NRG1: variants seen among roughly 807,000 people sequenced by gnomAD.
NRG1 encodes the protein pro-neuregulin-1, membrane-bound isoform.
A neutral mutation model predicts 63.8 loss-of-function variants in NRG1; 18 were observed. The observed-to-expected ratio is 0.28, with a 90% confidence interval of 0.19 to 0.42. The LOEUF (loss-of-function observed/expected upper bound fraction) is 0.42. Among genes scored for constraint, NRG1 ranks in the 10% least tolerant of loss-of-function variants. The probability of loss-of-function intolerance (pLI) is 1.00; values close to 1 mark genes in which losing one functional copy is unlikely to be tolerated. For missense variants in NRG1, 762 were observed against 814.7 expected (o/e 0.94, Z 0.79); for synonymous variants, 302 against 301.3 (o/e 1.00, Z -0.02).
intron 1 of NRG1, among the ~76,000 whole-genome samples, chr8:32,445,492 G>A (rs921784692): frequency 6.6e-6 from 1 of 152,050 alleles, no homozygotes; most frequent in African/African-American, 2.4e-5. Flanking sequence ...ATTGAACCAC[G>A]TGATTTGCCT....
intron 1 of NRG1, among the ~76,000 whole-genome samples, chr8:31,697,777 G>A (rs544050623): frequency 6.6e-6 from 1 of 152,272 alleles, no homozygotes; most frequent in East Asian, 1.9e-4. Flanking sequence ...TGTCCCTTCT[G>A]TAATTTATGT....
intron 1 of NRG1, among the ~76,000 whole-genome samples, chr8:32,170,224 C>T (rs573109658): frequency 6.0e-4 from 92 of 152,278 alleles, no homozygotes; most frequent in African/African-American, 2.0e-3. Flanking sequence ...TTACACAAAT[C>T]CTAGGAATTT....
intron 1 of NRG1, among the ~76,000 whole-genome samples, chr8:31,642,143 A>G (rs777139122): frequency 2.0e-5 from 3 of 152,204 alleles, no homozygotes; most frequent in Non-Finnish European, 2.9e-5. Context: ...ATGTCACTCC[A>G]AAGCATGGGA....
intron 1 of NRG1, among the ~76,000 whole-genome samples, chr8:32,388,555 A>G (rs1811311609): frequency 6.6e-6 from 1 of 152,170 alleles, no homozygotes. Context: ...TTGCCGCCTC[A>G]GGCTCTGGGA....
intron 1 of NRG1, among the ~76,000 whole-genome samples, chr8:32,264,426 T>C (rs1850706862): frequency 6.6e-6 from 1 of 152,094 alleles, no homozygotes; most frequent in Non-Finnish European, 1.5e-5. Context: ...ATAATCAAAG[T>C]CTAGAGGGAG....
intron 1 of NRG1, among the ~76,000 whole-genome samples, chr8:32,251,219 C>T (rs1054076569): frequency 1.3e-5 from 2 of 152,052 alleles, no homozygotes; most frequent in Admixed American, 6.6e-5. Context: ...CCCCCCACCC[C>T]ACAACAGGCC....
intron 1 of NRG1, among the ~76,000 whole-genome samples, chr8:32,358,684 G>C (rs1017113849): frequency 1.3e-5 from 2 of 152,098 alleles, no homozygotes; most frequent in East Asian, 3.9e-4. Context: ...GATAGTAATA[G>C]CTGCAGAGCA....
intron 1 of NRG1, among the ~76,000 whole-genome samples, chr8:31,790,582 A>G (rs919421795): frequency 1.3e-5 from 2 of 152,336 alleles, no homozygotes; most frequent in African/African-American, 4.8e-5. Flanking sequence ...ACTGTTCAAT[A>G]GAGAATTTTT....
intron 1 of NRG1, among the ~76,000 whole-genome samples, chr8:32,316,581 C>G (rs1230547575): frequency 6.6e-6 from 1 of 151,696 alleles, no homozygotes; most frequent in African/African-American, 2.4e-5. Context: ...TCGTTTTGAA[C>G]TTGGAGGAGA....
intron 5 of NRG1, among the ~76,000 whole-genome samples, chr8:32,693,999 G>A (rs1439331179): frequency 1.3e-5 from 2 of 152,096 alleles, no homozygotes; most frequent in Non-Finnish European, 2.9e-5. Context: ...CCTTCCCCTG[G>A]ACTTTAATTT....
intron 1 of NRG1, among the ~76,000 whole-genome samples, chr8:31,942,661 G>A (rs1240787126): frequency 1.3e-5 from 2 of 152,030 alleles, no homozygotes; most frequent in Non-Finnish European, 2.9e-5. Context: ...CTAATATCCA[G>A]AATCTACAAA....
intron 1 of NRG1, among the ~76,000 whole-genome samples, chr8:32,250,212 A>G (rs561715063): frequency 6.6e-6 from 1 of 152,124 alleles, no homozygotes; most frequent in Non-Finnish European, 1.5e-5. Context: ...AATCAACTCC[A>G]TAAAAACGGT....
intron 1 of NRG1, among the ~76,000 whole-genome samples, chr8:31,976,483 TGGGGG>T (rs1808197477): frequency 6.6e-6 from 1 of 152,040 alleles, no homozygotes; most frequent in Non-Finnish European, 1.5e-5. Flanking sequence ...ATGTGAGTGG[TGGGGG>T]GAGATGAAAT....
chr8:31,681,492 T>C (rs1015488884), intron 1 of NRG1, among the ~76,000 whole-genome samples: 6 of 151,934 alleles, frequency 3.9e-5, no homozygotes, highest in Non-Finnish European at 5.9e-5. Flanking sequence ...CCAGCCAGTA[T>C]ATTGGAGAAG....
At chr8:31,992,301 G>T (rs1811233475) in intron 1 of NRG1, among the ~76,000 whole-genome samples, 1 of 152,040 alleles carries the variant, frequency 6.6e-6, no homozygotes, top group South Asian at 2.1e-4. Flanking sequence ...AAAAAACAGA[G>T]AATTTGTTGA....
chr8:32,417,112 C>T (rs1006224880), intron 1 of NRG1, among the ~76,000 whole-genome samples: 1 of 152,108 alleles, frequency 6.6e-6, no homozygotes. Context: ...TGTGGTTGAG[C>T]CATATGACAG....
intron 1 of NRG1, among the ~76,000 whole-genome samples, chr8:32,092,647 T>G (rs1342330826): frequency 1.3e-5 from 2 of 151,874 alleles, no homozygotes; most frequent in Non-Finnish European, 2.9e-5. Context: ...ATCTGGGAGT[T>G]GTAATTTTTC....
chr8:32,759,911 C>G (rs546484974), intron 10 of NRG1, among the ~76,000 whole-genome samples: 24 of 152,230 alleles, frequency 1.6e-4, no homozygotes, highest in African/African-American at 5.3e-4. Context: ...CTAAGCCACT[C>G]AAGAACAGAG....
chr8:32,772,132 C>G (rs950835941), downstream of NRG1, among the ~76,000 whole-genome samples: 1 of 149,278 alleles, frequency 6.7e-6, no homozygotes, highest in Non-Finnish European at 1.5e-5. Flanking sequence ...TTAGACGGCT[C>G]TGGTTTCAGA....
Sources: gnomAD v4.1 joint callset for allele counts (sites outside exome capture counted in the v4.1 genomes callset) on GRCh38, gnomAD v4.1.1 for gene constraint, MANE v1.5 for transcripts, NCBI Gene and HGNC (gene_info 2026-07-23, HGNC 2026-07-21) for gene names.